Variants in THRB observed in about 807,000 individuals in gnomAD.
The protein encoded by THRB is nuclear receptor subfamily 1 group A member 2.
Under a neutral mutation model 47.8 loss-of-function variants are expected in THRB, and 12 were observed. The observed-to-expected ratio is 0.25, with a 90% CI of 0.16 to 0.41. The LOEUF (loss-of-function observed/expected upper bound fraction) is 0.41, where lower values mean the gene tolerates loss of function less well. Among genes scored for constraint, THRB ranks in the 10% least tolerant of loss-of-function variants. THRB has a pLI of 1.00. For synonymous variants in THRB, 218 were observed against 212.2 expected, an observed-to-expected ratio of 1.03 and a Z score of -0.24; for missense variants, 348 against 589.2, an observed-to-expected ratio of 0.59 and a Z score of 4.24.
intron 4 of THRB, among the ~76,000 whole-genome samples, chr3:24,208,664 G>A (rs1246968951): frequency 6.6e-6 from 1 of 152,172 alleles, no homozygotes; most frequent in African/African-American, 2.4e-5. Context: ...AGCTGAAACT[G>A]GATCCCTTCC....
chr3:24,187,679 T>C (rs62253675), intron 5 of THRB, among the ~76,000 whole-genome samples: 2,776 of 152,220 alleles, frequency 0.018, 47 homozygotes, highest in South Asian at 0.044. Flanking sequence ...TACACAGCCA[T>C]CTAGGAAATA....
chr3:24,483,250 C>A (rs2125896052), intron 1 of THRB, among the ~76,000 whole-genome samples: 1 of 152,008 alleles, frequency 6.6e-6, no homozygotes, highest in African/African-American at 2.4e-5. Flanking sequence ...AGAAAACAAG[C>A]AAATATTCTT....
chr3:24,254,407 A>G (rs1371743222), intron 3 of THRB, among the ~76,000 whole-genome samples: 12 of 151,586 alleles, frequency 7.9e-5, no homozygotes, highest in Non-Finnish European at 1.0e-4. Flanking sequence ...AAAAAAGAAA[A>G]GAAAACCAAA....
intron 2 of THRB, among the ~76,000 whole-genome samples, chr3:24,307,351 G>C (rs1205011577): frequency 6.6e-6 from 1 of 151,930 alleles, no homozygotes; most frequent in Admixed American, 6.6e-5. Context: ...CAACTATTCA[G>C]ATCTCTCAAT....
intron 5 of THRB, among the ~76,000 whole-genome samples, chr3:24,179,979 T>G (rs541693187): frequency 3.3e-5 from 5 of 152,326 alleles, no homozygotes; most frequent in Admixed American, 3.3e-4. Flanking sequence ...AAATTCCCTA[T>G]GTTTTGTCTT....
chr3:24,420,512 CA>C (rs2069140715), intron 1 of THRB, among the ~76,000 whole-genome samples: 1 of 151,776 alleles, frequency 6.6e-6, no homozygotes, highest in Admixed American at 6.6e-5. Flanking sequence ...TTCCACACCT[CA>C]GAAACCTCTT....
At chr3:24,460,533 T>C (rs1489203257) in intron 1 of THRB, among the ~76,000 whole-genome samples, 1 of 152,224 alleles carries the variant, frequency 6.6e-6, no homozygotes, top group African/African-American at 2.4e-5. Flanking sequence ...TTTTCTTTCA[T>C]TCCTTTAATC....
intron 1 of THRB, among the ~76,000 whole-genome samples, chr3:24,376,669 G>A (rs540317613): frequency 4.6e-5 from 7 of 152,106 alleles, no homozygotes; most frequent in Middle Eastern, 6.8e-3. Context: ...GCCTTAGAAG[G>A]ACTACTCTAA....
rs967737660 is a variant in THRB, at chr3:24,152,405, C to A, written c.369G>T (p.Thr123=). 2 of 1,611,188 alleles carry A rather than the reference C, an allele frequency of 1.2e-6. No homozygotes were observed. Among genetic ancestry groups the A allele is most frequent in the South Asian group, 2.2e-5 (2 of 90,998 alleles). ...KATGYHYRCI[T]CEGCKGFFRR... is the part of the protein sequence containing the mutation. ...GGGCAATTACCTTGCAGCCTTCACA[C>A]GTGATACAGCGGTAGTGATACCCGG... is the stretch of plus-strand genomic sequence containing the variant. The change falls in exon 6 of 11, where the codon ACG becomes ACT. Residue 123 remains threonine (T), a synonymous_variant. Transcript: ENST00000646209.
At chr3:24,450,597 A>G (rs1014482336) in intron 1 of THRB, among the ~76,000 whole-genome samples, 2 of 152,188 alleles carry the variant, frequency 1.3e-5, no homozygotes, top group African/African-American at 2.4e-5. Flanking sequence ...GTTCCTAAAA[A>G]CTCAAAGACG....
At chr3:24,150,957 C>T (rs1575425865) in intron 6 of THRB, among the ~76,000 whole-genome samples, 1 of 152,258 alleles carries the variant, frequency 6.6e-6, no homozygotes, top group East Asian at 1.9e-4. Flanking sequence ...AATAAAACTA[C>T]TTTCAAGAGA....
At chr3:24,127,829 T>G in intron 9 of THRB, 72 bp from the exon 10 acceptor site, 2 of 1,503,330 alleles carry the variant, frequency 1.3e-6, no homozygotes, top group Non-Finnish European at 1.9e-6. Context: ...TACAGTATCT[T>G]AAAAGCAATA....
At chr3:24,213,712 G>C (rs921321214) in intron 4 of THRB, among the ~76,000 whole-genome samples, 1 of 152,188 alleles carries the variant, frequency 6.6e-6, no homozygotes, top group East Asian at 1.9e-4. Flanking sequence ...TAATTCTCAA[G>C]GATCAGGCCT....
intron 1 of THRB, among the ~76,000 whole-genome samples, chr3:24,340,791 A>G (rs1336614314): frequency 6.6e-6 from 1 of 152,178 alleles, no homozygotes; most frequent in African/African-American, 2.4e-5. Context: ...CTGTTTCTCC[A>G]TATCTTTGCT....
At chr3:24,440,161 G>A (rs2071390979) in intron 1 of THRB, among the ~76,000 whole-genome samples, 1 of 152,092 alleles carries the variant, frequency 6.6e-6, no homozygotes, top group Non-Finnish European at 1.5e-5. Context: ...TTAAACTTAA[G>A]TATAGGCTTT....
At chr3:24,268,802 G>T (rs144686932) in intron 3 of THRB, among the ~76,000 whole-genome samples, 212 of 152,040 alleles carry the variant, frequency 1.4e-3, no homozygotes, top group Non-Finnish European at 2.4e-3. Context: ...TACATTTTAT[G>T]TTATATTTAA....
intron 1 of THRB, among the ~76,000 whole-genome samples, chr3:24,425,939 C>G (rs551198444): frequency 1.3e-5 from 2 of 152,010 alleles, no homozygotes; most frequent in African/African-American, 2.4e-5. Flanking sequence ...GATTTCAGAG[C>G]CTTTCTGGAT....
rs1018545712 is a variant in THRB, at chr3:24,481,139, C to T, written c.-261+13513G>A. 2.6e-5 allele frequency among the ~76,000 whole-genome samples: 4 copies of T among 151,624 alleles called. No homozygotes were observed. In the East Asian group the frequency reaches 5.8e-4, roughly 22 times the overall value. ...AGGTTTCATCTTTGCAGAGAACATC[C>T]ACTTTGGGGCCATGATTCTTCCCAA... On this transcript the variant is annotated intron_variant, in intron 1 of 10. Coordinates refer to ENST00000646209, the MANE Select transcript of THRB (RefSeq NM_001354712.2).
At chr3:24,181,703 TTGG>T (rs201252135) in intron 5 of THRB, among the ~76,000 whole-genome samples, 4,977 of 152,314 alleles carry the variant, frequency 0.033, 102 homozygotes, top group South Asian at 0.065. Context: ...TACTTGTTAC[TTGG>T]CAGTCCTGCT....
Sources: allele counts gnomAD v4.1 joint callset (sites outside exome capture counted in the v4.1 genomes callset), GRCh38; gene constraint gnomAD v4.1.1; transcripts MANE v1.5; gene names NCBI Gene and HGNC (gene_info 2026-07-23, HGNC 2026-07-21).